Variants in ARHGEF10 observed in about 807,000 individuals in gnomAD.
ARHGEF10 encodes the protein Rho guanine nucleotide exchange factor 10, also known as Rho guanine nucleotide exchange factor (GEF) 10.
A neutral mutation model predicts 147.4 loss-of-function variants in ARHGEF10; 140 were observed. The ratio of observed to expected loss-of-function variants is 0.95; its 90% CI spans 0.83 to 1.09. The LOEUF is 1.09. ARHGEF10 is among the 50% of genes least tolerant of loss of function. ARHGEF10 has a pLI of 0.00. For synonymous variants in ARHGEF10, 902 were observed against 695.8 expected (o/e 1.30, Z -4.67); for missense variants, 2,222 against 1,752.7 (o/e 1.27, Z -4.78).
At chr8:1,885,897 C>A (rs548994556) in intron 11 of ARHGEF10, among the ~76,000 whole-genome samples, 190 bp downstream of exon 11, 4 of 152,172 alleles carry the variant, frequency 2.6e-5, no homozygotes, top group Non-Finnish European at 5.9e-5. Flanking sequence ...TCTGGGGGGA[C>A]GCTGGTCAGC....
chr8:1,946,169 A>G (rs1448309735), intron 27 of ARHGEF10, among the ~76,000 whole-genome samples: 1 of 152,200 alleles, frequency 6.6e-6, no homozygotes, highest in Non-Finnish European at 1.5e-5. Flanking sequence ...GGATCATCCT[A>G]CAACAGGATG....
intron 27 of ARHGEF10, chr8:1,945,898 G>GCGTGCTGGGAGGAGCCT: frequency 1.4e-6 from 1 of 701,734 alleles, no homozygotes; most frequent in South Asian, 1.8e-5. Flanking sequence ...GGGAGGAGCC[G>GCGTGCTGGGAGGAGCCT]CGTGCTGGGA....
At chr8:1,830,951 C>T (rs554363393) in intron 1 of ARHGEF10, among the ~76,000 whole-genome samples, 25 of 152,356 alleles carry the variant, frequency 1.6e-4, no homozygotes, top group South Asian at 4.1e-4. Context: ...ACAGCGTCTG[C>T]GCGGCCCTGA....
rs779063611 is a variant in ARHGEF10 at position 1,909,432 on chromosome 8, C to A, written c.2105C>A (p.Pro702Gln). The part of the protein sequence containing the change: ...GEHSRHLAVH[P>Q]PESLAVVANA... ...CACAGCAGGCACCTTGCCGTTCACC[C>A]GCCGGAGAGCCTGGCCGTGGTTGCT... is the stretch of plus-strand genomic sequence containing the variant. Residue 702 changes from proline (P) to glutamine (Q), a missense_variant, in exon 18 of 29, where the codon CCG (proline) becomes CAG (glutamine). Coordinates refer to ENST00000349830, the MANE Select transcript of ARHGEF10 (RefSeq NM_014629.4). 5.6e-6 allele frequency: 9 copies of A among 1,614,120 alleles called. No homozygotes were observed. The highest frequency in any genetic ancestry group is 6.8e-6 in the Non-Finnish European group (8 of 1,180,038).
At chr8:1,949,924 A>G (rs183251752) in intron 27 of ARHGEF10, among the ~76,000 whole-genome samples, 31 of 151,904 alleles carry the variant, frequency 2.0e-4, no homozygotes, top group African/African-American at 7.2e-4. Context: ...TCTTCTACTC[A>G]CTGTTCTGTC....
intron 1 of ARHGEF10, among the ~76,000 whole-genome samples, chr8:1,833,853 A>T (rs1803420032): frequency 1.3e-5 from 2 of 152,114 alleles, no homozygotes; most frequent in South Asian, 4.1e-4. Flanking sequence ...GGCACTGTGC[A>T]CCTCAGCCTC....
chr8:1,829,527 A>T (rs1426065232), intron 1 of ARHGEF10, among the ~76,000 whole-genome samples: 2 of 152,158 alleles, frequency 1.3e-5, no homozygotes, highest in African/African-American at 4.8e-5. Flanking sequence ...GGCCCGTGGG[A>T]AGCAGCCCAC....
chr8:1,894,605 G>A (rs199513467), intron 13 of ARHGEF10, 33 bp downstream of exon 13: 14 of 1,604,602 alleles, frequency 8.7e-6, no homozygotes, highest in Admixed American at 1.7e-5. Context: ...ATGTCCATGG[G>A]GCTCTCCATG....
Position 1,956,820 on chromosome 8 carries a change from G to A in ARHGEF10, c.3592G>A (p.Glu1198Lys), listed in dbSNP as rs769815324. The change falls in exon 29 of 29, where the codon GAG (glutamate) becomes AAG (lysine). Residue 1198 changes from glutamate (E) to lysine (K), a missense_variant. By Grantham distance (56) the Glu-to-Lys change is moderately conservative. Transcript: ENST00000349830. ...CATCGTCCTGGCCACGGCTCTGCAC[G>A]AGAAAGACAAGGACAAATCCAGGGA... ...KFIVLATALH[E>K]KDKDKSRDSL... 8 of 1,614,060 alleles carry A rather than the reference G, an allele frequency of 5.0e-6. No homozygotes were observed. The highest frequency in any genetic ancestry group is 2.2e-5 in the East Asian group (1 of 44,880).
At chr8:1,869,685 G>A (rs1243069002) in intron 7 of ARHGEF10, 1 of 313,896 alleles carries the variant, frequency 3.2e-6, no homozygotes, top group East Asian at 8.2e-5. Context: ...TTCAAAGCAA[G>A]ATGAATTACA....
At chr8:1,897,872 G>A (rs888359268) in intron 14 of ARHGEF10, among the ~76,000 whole-genome samples, 1 of 152,116 alleles carries the variant, frequency 6.6e-6, no homozygotes, top group Non-Finnish European at 1.5e-5. Context: ...CAGGACCTGA[G>A]CCCCAAAGAG....
At chr8:1,836,585 C>T (rs544525122) in intron 1 of ARHGEF10, among the ~76,000 whole-genome samples, 1 of 152,294 alleles carries the variant, frequency 6.6e-6, no homozygotes, top group East Asian at 1.9e-4. Context: ...GACACAGATA[C>T]TTCTCACAGC....
In ARHGEF10 at chr8:1,923,485, A is replaced by T. The variant is rs751148376; in HGVS notation, c.2277A>T (p.Val759=). The change falls in exon 20 of 29, where the codon GTA becomes GTT. Residue 759 remains valine (V), a synonymous_variant. Coordinates refer to ENST00000349830, the MANE Select transcript of ARHGEF10 (RefSeq NM_014629.4). The part of the protein sequence containing the change: ...KGNYQNLNQS[V]AHDWTSGLQR... ...CTTTGTAGAACTTAAACCAGTCAGT[A>T]GCCCATGACTGGACATCAGGTTTAC... The T allele has an allele frequency of 1.2e-6, 2 of 1,614,136 alleles. No individual in the cohort carries two copies. Among genetic ancestry groups the T allele is most frequent in the Non-Finnish European group, 1.7e-6 (2 of 1,180,018 alleles).
chr8:1,943,170 G>T (rs1225029201), intron 26 of ARHGEF10, among the ~76,000 whole-genome samples: 1 of 152,262 alleles, frequency 6.6e-6, no homozygotes, highest in Non-Finnish European at 1.5e-5. Flanking sequence ...CAGGCAGGAG[G>T]AGGGGAACCC....
chr8:1,857,936 T>C lies in ARHGEF10; in HGVS notation c.38-24T>C, dbSNP rs765036876. 23 of 1,558,208 alleles carry C rather than the reference T, an allele frequency of 1.5e-5. No individual in the cohort carries two copies. In the East Asian group the frequency reaches 4.1e-4, roughly 28 times the overall value. ...TATCTATCTATCTATCTCTCCTTGA[T>C]GTGGTTTTGGTTTTTCTTTTTAGAA... On this transcript the variant is annotated intron_variant, in intron 2 of 28. Coordinates refer to ENST00000349830, the MANE Select transcript of ARHGEF10 (RefSeq NM_014629.4).
chr8:1,826,064 TA>T (rs1158487391), intron 1 of ARHGEF10: 6 of 1,572,132 alleles, frequency 3.8e-6, no homozygotes, highest in Non-Finnish European at 5.2e-6. Flanking sequence ...TTGCTGGCTT[TA>T]GCAGCCAACA....
rs1002493284 is a variant in ARHGEF10 at position 1,832,278 on chromosome 8, C to T, written c.-48+8165C>T. Among the ~76,000 whole-genome samples, 285 of 152,224 alleles carry T rather than the reference C, an allele frequency of 1.9e-3. 2 individuals are homozygous for T. Among genetic ancestry groups the T allele is most frequent in the African/African-American group, 6.7e-3 (279 of 41,532 alleles). On this transcript the variant is annotated intron_variant, in intron 1 of 28. Coordinates refer to ENST00000349830, the MANE Select transcript of ARHGEF10 (RefSeq NM_014629.4). The stretch of plus-strand genomic sequence containing the variant: ...TTGTGTCCAAGGCTGTGTCGAGGGT[C>T]ATGTGCAGCCGCCCTTGCTGTGGAC...
intron 1 of ARHGEF10, among the ~76,000 whole-genome samples, chr8:1,824,327 G>C (rs931482736): frequency 6.6e-6 from 1 of 151,728 alleles, no homozygotes; most frequent in Non-Finnish European, 1.5e-5. Context: ...TCAGGATAAC[G>C]GCGCGGGCCT....
chr8:1,938,228 T>C (rs978912826), intron 26 of ARHGEF10, among the ~76,000 whole-genome samples: 1 of 152,204 alleles, frequency 6.6e-6, no homozygotes, highest in African/African-American at 2.4e-5. Context: ...AATCTCATAG[T>C]GTTAGGAACA....
Sources: gnomAD v4.1 joint callset for allele counts (sites outside exome capture counted in the v4.1 genomes callset) on GRCh38, gnomAD v4.1.1 for gene constraint, MANE v1.5 for transcripts, NCBI Gene and HGNC (gene_info 2026-07-23, HGNC 2026-07-21) for gene names.